PPARGC1A: variants seen among roughly 807,000 people sequenced by gnomAD.
PPARGC1A encodes the protein peroxisome proliferator-activated receptor gamma coactivator 1-alpha.
In PPARGC1A, 25 loss-of-function variants were observed where a neutral mutation model predicts 88.7. The ratio of observed to expected loss-of-function variants is 0.28; its 90% confidence interval spans 0.21 to 0.39. The LOEUF (loss-of-function observed/expected upper bound fraction) is 0.39. Ranked by LOEUF, PPARGC1A falls within the 10% of genes least tolerant of loss-of-function variation. PPARGC1A has a pLI of 1.00. For missense variants in PPARGC1A, 880 were observed against 968.7 expected (o/e 0.91, Z 1.22); for synonymous variants, 363 against 355.6 (o/e 1.02, Z -0.24).
At chr4:24,052,082 T>C in the PPARGC1A span, among the ~76,000 whole-genome samples, 3 of 152,124 alleles carry the variant, frequency 2.0e-5, no homozygotes, top group East Asian at 1.9e-4. Flanking sequence ...CATTTGAATA[T>C]TGGACGTATT....
intron 7 of PPARGC1A, among the ~76,000 whole-genome samples, chr4:23,821,472 A>G (rs1438845648): frequency 6.6e-6 from 1 of 151,888 alleles, no homozygotes; most frequent in African/African-American, 2.4e-5. Flanking sequence ...ATGTGAAAAT[A>G]GTAGGGGGTG....
chr4:23,827,353 G>T (rs781446723), intron 5 of PPARGC1A, among the ~76,000 whole-genome samples: 1 of 151,546 alleles, frequency 6.6e-6, no homozygotes, highest in Non-Finnish European at 1.5e-5. Flanking sequence ...ATACCTACAC[G>T]AATTAATCAT....
the PPARGC1A span, among the ~76,000 whole-genome samples, chr4:24,265,141 A>G: frequency 4.6e-5 from 7 of 152,344 alleles, no homozygotes; most frequent in African/African-American, 1.7e-4. Flanking sequence ...TGGGTTTGTT[A>G]AAAGAACAAA....
At chr4:24,033,467 T>C in the PPARGC1A span, among the ~76,000 whole-genome samples, 1 of 150,796 alleles carries the variant, frequency 6.6e-6, no homozygotes, top group Non-Finnish European at 1.5e-5. Flanking sequence ...AGAAGAGCAG[T>C]GTAAGAGAGA....
At chr4:24,468,772 A>AT in the PPARGC1A span, among the ~76,000 whole-genome samples, 51 of 149,162 alleles carry the variant, frequency 3.4e-4, no homozygotes, top group East Asian at 9.8e-4. Flanking sequence ...CATCTTCATT[A>AT]TTTTTTTTTT....
chr4:24,192,637 C>T, the PPARGC1A span, among the ~76,000 whole-genome samples: 3 of 152,298 alleles, frequency 2.0e-5, no homozygotes, highest in Admixed American at 2.0e-4. Flanking sequence ...TATCAATTAA[C>T]TGTGTCAACA....
At chr4:24,271,224 G>T in the PPARGC1A span, among the ~76,000 whole-genome samples, 10 of 152,216 alleles carry the variant, frequency 6.6e-5, no homozygotes, top group South Asian at 2.1e-3. Context: ...ATGGGAACTG[G>T]CAGCCCTTCC....
At chr4:24,160,476 A>T in the PPARGC1A span, among the ~76,000 whole-genome samples, 1 of 152,218 alleles carries the variant, frequency 6.6e-6, no homozygotes, top group African/African-American at 2.4e-5. Flanking sequence ...AAGCTGTTCC[A>T]TCATGCCTAT....
At chr4:24,339,191 C>CGTGTGT in the PPARGC1A span, among the ~76,000 whole-genome samples, 8 of 103,020 alleles carry the variant, frequency 7.8e-5, no homozygotes, top group African/African-American at 3.1e-4. Flanking sequence ...AAGGTTCATC[C>CGTGTGT]ATGTGTGTGT....
the PPARGC1A span, among the ~76,000 whole-genome samples, chr4:24,314,883 G>A: frequency 6.6e-6 from 1 of 152,042 alleles, no homozygotes; most frequent in Non-Finnish European, 1.5e-5. Flanking sequence ...TTAGACAGAT[G>A]TCTTCAGTTC....
At chr4:24,376,974 AGCAATAAAATCGTGT>A in the PPARGC1A span, among the ~76,000 whole-genome samples, 2 of 152,218 alleles carry the variant, frequency 1.3e-5, no homozygotes, top group African/African-American at 4.8e-5. Context: ...CTAACCTTTT[AGCAATAAAATCGTGT>A]GCAATAAAAA....
At chr4:24,023,042 T>G in the PPARGC1A span, among the ~76,000 whole-genome samples, 2 of 152,198 alleles carry the variant, frequency 1.3e-5, no homozygotes, top group South Asian at 2.1e-4. Flanking sequence ...TCTTTTATAA[T>G]GTACTGTTAA....
chr4:23,951,252 G>A, the PPARGC1A span, among the ~76,000 whole-genome samples: 6 of 152,238 alleles, frequency 3.9e-5, no homozygotes, highest in South Asian at 1.2e-3. Context: ...AGCCAAGTAA[G>A]TAAGAGTTAC....
At chr4:24,314,406 C>G in the PPARGC1A span, among the ~76,000 whole-genome samples, 1 of 152,176 alleles carries the variant, frequency 6.6e-6, no homozygotes, top group African/African-American at 2.4e-5. Context: ...CTTAGTCCCT[C>G]TTTGTCCTTC....
the PPARGC1A span, among the ~76,000 whole-genome samples, chr4:24,467,293 G>A: frequency 2.0e-5 from 3 of 152,174 alleles, no homozygotes; most frequent in African/African-American, 7.2e-5. Flanking sequence ...CTGTGAGCTG[G>A]ATTTACAGGA....
Position 23,828,211 on chromosome 4 carries a change from G to A in PPARGC1A, c.757+189C>T, listed in dbSNP as rs924014871. Among the ~76,000 whole-genome samples the A allele has an allele frequency of 2.6e-5, 4 of 152,262 alleles. No homozygotes were observed. In the East Asian group the frequency reaches 7.7e-4, roughly 29 times the overall value. On this transcript the variant is annotated intron_variant, in intron 5 of 12. Coordinates refer to ENST00000264867, the MANE Select transcript of PPARGC1A (RefSeq NM_013261.5). ...TTGTGAATTAGACTGCCTATCAGCTGAATAGAATATGTTTAACCTGTGTCC... is the reference window on the plus strand; with the variant it reads ...TTGTGAATTAGACTGCCTATCAGCTAAATAGAATATGTTTAACCTGTGTCC...
the PPARGC1A span, among the ~76,000 whole-genome samples, chr4:24,294,279 T>C: frequency 6.6e-6 from 1 of 152,204 alleles, no homozygotes; most frequent in African/African-American, 2.4e-5. Flanking sequence ...ACAATTGATA[T>C]GAAAATCATG....
chr4:24,213,898 G>C, the PPARGC1A span, among the ~76,000 whole-genome samples: 1 of 152,200 alleles, frequency 6.6e-6, no homozygotes, highest in African/African-American at 2.4e-5. Flanking sequence ...TGTGGTAGGA[G>C]GAACACTGAT....
chr4:24,196,898 A>G, the PPARGC1A span, among the ~76,000 whole-genome samples: 1 of 152,198 alleles, frequency 6.6e-6, no homozygotes, highest in Non-Finnish European at 1.5e-5. Context: ...TTGCTTAGAA[A>G]TCATTAATTG....
Sources: allele counts gnomAD v4.1 joint callset (sites outside exome capture counted in the v4.1 genomes callset), GRCh38; gene constraint gnomAD v4.1.1; transcripts MANE v1.5; gene names NCBI Gene and HGNC (gene_info 2026-07-23, HGNC 2026-07-21).